XKR6: variants seen among roughly 807,000 people sequenced by gnomAD.
The protein encoded by XKR6 is XK related 6.
In XKR6, 22 loss-of-function variants were observed where a neutral mutation model predicts 56.7. The ratio of observed to expected loss-of-function variants is 0.39; its 90% CI spans 0.28 to 0.55. The LOEUF is 0.55. XKR6 is among the 20% of genes least tolerant of loss of function. The probability of loss-of-function intolerance (pLI) is 0.66; values close to 1 mark genes in which losing one functional copy is unlikely to be tolerated. For synonymous variants in XKR6, 524 were observed against 387.8 expected (o/e 1.35, Z -4.13); for missense variants, 852 against 889.0 (o/e 0.96, Z 0.53).
At chr8:10,950,611 T>G (rs1301768297) in intron 1 of XKR6, among the ~76,000 whole-genome samples, 1 of 152,194 alleles carries the variant, frequency 6.6e-6, no homozygotes, top group Non-Finnish European at 1.5e-5. Context: ...AGTTTTAGAC[T>G]GAAAACCCCT....
chr8:10,911,726 G>T (rs1479131598), intron 2 of XKR6, among the ~76,000 whole-genome samples: 2 of 146,162 alleles, frequency 1.4e-5, no homozygotes, highest in East Asian at 2.0e-4. Flanking sequence ...AGAGTGAGGG[G>T]TGTGTGTATA....
rs144010872 is a variant in XKR6 at position 11,121,016 on chromosome 8, C to T, written c.764+79560G>A. On this transcript the variant is annotated intron_variant, in intron 1 of 2. Coordinates refer to ENST00000416569, the MANE Select transcript of XKR6 (RefSeq NM_173683.4). ...AAGCTGAAACTGGATCCCTTCCTTA[C>T]ACCTTAGACAAAAATTAATTCAAGA... Among the ~76,000 whole-genome samples, 948 of 152,310 alleles carry T rather than the reference C, an allele frequency of 6.2e-3. 6 individuals are homozygous for T. Among genetic ancestry groups the T allele is most frequent in the Middle Eastern group, 0.01 (3 of 294 alleles).
At position 11,142,967 on chromosome 8, in the gene XKR6, A is replaced by G. The variant is rs1003090064; in HGVS notation, c.764+57609T>C. ...TCTAAGGATGACAGGAAATCAATTC[A>G]TTATTTTGAAAGCTGTGTAAATAAA... On this transcript the variant is annotated intron_variant, in intron 1 of 2. Transcript: ENST00000416569. 3.3e-5 allele frequency among the ~76,000 whole-genome samples: 5 copies of G among 152,364 alleles called. No homozygotes were observed. In the South Asian group the frequency reaches 6.2e-4, roughly 19 times the overall value.
intron 1 of XKR6, among the ~76,000 whole-genome samples, chr8:11,154,497 A>G (rs776235668): frequency 2.2e-4 from 34 of 152,160 alleles, no homozygotes; most frequent in Non-Finnish European, 4.6e-4. Flanking sequence ...TCCCTTTAAT[A>G]AACCATAACA....
chr8:11,196,514 C>A (rs1482538648), intron 1 of XKR6, among the ~76,000 whole-genome samples: 1 of 152,176 alleles, frequency 6.6e-6, no homozygotes, highest in East Asian at 1.9e-4. Context: ...ACCTGAGGTA[C>A]TTTTAGACAC....
chr8:10,927,571 T>C (rs1045476173), intron 1 of XKR6, among the ~76,000 whole-genome samples: 2 of 152,148 alleles, frequency 1.3e-5, no homozygotes, highest in Admixed American at 6.5e-5. Flanking sequence ...GTAATGCCAG[T>C]GCTCAGGTTC....
At chr8:10,990,298 C>A (rs1797959619) in intron 1 of XKR6, among the ~76,000 whole-genome samples, 1 of 152,168 alleles carries the variant, frequency 6.6e-6, no homozygotes, top group African/African-American at 2.4e-5. Context: ...ACTCTTAGAC[C>A]AGCAGGTGGG....
chr8:10,909,125 C>T (rs1248541263), intron 2 of XKR6, among the ~76,000 whole-genome samples: 1 of 151,394 alleles, frequency 6.6e-6, no homozygotes, highest in African/African-American at 2.4e-5. Context: ...GAGATTGCGC[C>T]ACTGCACTCC....
intron 1 of XKR6, among the ~76,000 whole-genome samples, chr8:11,135,407 T>G (rs945442581): frequency 6.6e-6 from 1 of 152,186 alleles, no homozygotes; most frequent in Non-Finnish European, 1.5e-5. Context: ...CCAGGATAGA[T>G]AGAATAAAGT....
intron 1 of XKR6, among the ~76,000 whole-genome samples, chr8:10,944,800 C>G (rs1801487581): frequency 6.6e-6 from 1 of 152,180 alleles, no homozygotes; most frequent in Non-Finnish European, 1.5e-5. Context: ...GCCAACCCAG[C>G]CCCTGAGAGC....
chr8:11,071,352 G>T (rs1800108930), intron 1 of XKR6, among the ~76,000 whole-genome samples: 1 of 152,196 alleles, frequency 6.6e-6, no homozygotes, highest in Non-Finnish European at 1.5e-5. Context: ...GGACTCTCGT[G>T]CCTCAGCCTC....
At chr8:11,084,956 G>A (rs1006993989) in intron 1 of XKR6, among the ~76,000 whole-genome samples, 1 of 152,080 alleles carries the variant, frequency 6.6e-6, no homozygotes, top group Non-Finnish European at 1.5e-5. Flanking sequence ...AGCATCCAAG[G>A]TGCACCACCA....
chr8:11,111,499 C>G (rs1798890802), intron 1 of XKR6: 1 of 152,170 alleles, frequency 6.6e-6, no homozygotes, highest in South Asian at 2.1e-4. Flanking sequence ...AGGAGTGTCA[C>G]TTGATGATTT....
rs375591970 is a variant in XKR6, at chr8:10,983,133, C to T, written c.765-58303G>A. 2.1e-4 allele frequency among the ~76,000 whole-genome samples: 32 copies of T among 151,566 alleles called. No homozygotes were observed. In the East Asian group the frequency reaches 3.9e-3, roughly 18 times the overall value. On this transcript the variant is annotated intron_variant, in intron 1 of 2. Coordinates refer to ENST00000416569, the MANE Select transcript of XKR6 (RefSeq NM_173683.4). ...AGAAAAAAATAATGCAACAAGATAA[C>T]CCAAGGAAAATAAAAGAGCAAAATT...
intron 1 of XKR6, among the ~76,000 whole-genome samples, chr8:11,155,766 C>T (rs1258410343): frequency 6.6e-6 from 1 of 152,154 alleles, no homozygotes; most frequent in Non-Finnish European, 1.5e-5. Context: ...CCACTTTGTC[C>T]CACTCCATTC....
At chr8:11,000,672 C>T (rs1264468507) in intron 1 of XKR6, among the ~76,000 whole-genome samples, 2 of 152,120 alleles carry the variant, frequency 1.3e-5, no homozygotes, top group African/African-American at 4.8e-5. Flanking sequence ...GCAAGAGAGC[C>T]AGACTCTATC....
intron 1 of XKR6, among the ~76,000 whole-genome samples, chr8:11,054,772 G>A (rs1207858573): frequency 6.6e-6 from 1 of 152,208 alleles, no homozygotes; most frequent in African/African-American, 2.4e-5. Context: ...TGTGGGTGAG[G>A]GTCCGAGGGC....
intron 1 of XKR6, among the ~76,000 whole-genome samples, chr8:11,121,388 G>A (rs927329004): frequency 6.6e-6 from 1 of 152,170 alleles, no homozygotes; most frequent in African/African-American, 2.4e-5. Flanking sequence ...GATATGAACA[G>A]ACACTTCTCA....
intron 1 of XKR6, among the ~76,000 whole-genome samples, chr8:10,951,838 G>A (rs923059675): frequency 6.6e-6 from 1 of 152,140 alleles, no homozygotes; most frequent in Non-Finnish European, 1.5e-5. Flanking sequence ...TGGGGAGCCC[G>A]GACCAAGGAG....
Sources: allele counts gnomAD v4.1 joint callset (sites outside exome capture counted in the v4.1 genomes callset), GRCh38; gene constraint gnomAD v4.1.1; transcripts MANE v1.5; gene names NCBI Gene and HGNC (gene_info 2026-07-23, HGNC 2026-07-21).